Variants in NR2C1 observed in about 807,000 individuals in gnomAD.
NR2C1 encodes nuclear receptor subfamily 2 group C member 1.
NR2C1 carries 33 observed loss-of-function variants against 74.8 expected under a neutral mutation model. That is an observed-to-expected ratio of 0.44 (90% CI 0.33 to 0.59). The LOEUF is 0.59. Among genes scored for constraint, NR2C1 ranks in the 20% least tolerant of loss-of-function variants. NR2C1 has a pLI of 0.02. For synonymous variants in NR2C1, 225 were observed against 240.6 expected (o/e 0.94, Z 0.60); for missense variants, 568 against 715.6 (o/e 0.79, Z 2.35).
chr12:95,054,724 T>G (rs1436486851), intron 7 of NR2C1, among the ~76,000 whole-genome samples: 1 of 152,256 alleles, frequency 6.6e-6, no homozygotes, highest in Non-Finnish European at 1.5e-5. Context: ...TAGTCTCTTC[T>G]ACCTAGCAAC....
chr12:95,063,735 A>C (rs1240942288), intron 2 of NR2C1, among the ~76,000 whole-genome samples: 1 of 151,980 alleles, frequency 6.6e-6, no homozygotes, highest in Non-Finnish European at 1.5e-5. Context: ...CAGACTGCAA[A>C]TGTTCAAGAG....
At chr12:95,063,338 T>TCCTAC (rs1875085193) in intron 2 of NR2C1, among the ~76,000 whole-genome samples, 1 of 152,044 alleles carries the variant, frequency 6.6e-6, no homozygotes, top group South Asian at 2.1e-4. Context: ...GAGGGAGGTG[T>TCCTAC]TTGACACATG....
intron 8 of NR2C1, among the ~76,000 whole-genome samples, chr12:95,050,190 A>C (rs1872789052): frequency 6.6e-6 from 1 of 152,178 alleles, no homozygotes. Flanking sequence ...GTTAGCAAAT[A>C]ATTACTCAAA....
At chr12:95,070,528 T>C (rs1331750638) in intron 1 of NR2C1, among the ~76,000 whole-genome samples, 1 of 152,212 alleles carries the variant, frequency 6.6e-6, no homozygotes, top group African/African-American at 2.4e-5. Flanking sequence ...GCCTTAAAAA[T>C]GTTCATATTG....
chr12:95,070,879 C>T (rs571245341), intron 1 of NR2C1, among the ~76,000 whole-genome samples: 21 of 152,268 alleles, frequency 1.4e-4, no homozygotes, highest in African/African-American at 5.1e-4. Context: ...CTACTTTCTC[C>T]CTCATTTAAA....
chr12:95,064,622 A>G (rs1160241793), intron 2 of NR2C1, among the ~76,000 whole-genome samples: 1 of 152,184 alleles, frequency 6.6e-6, no homozygotes, highest in Admixed American at 6.5e-5. Flanking sequence ...AGCAATTGGG[A>G]GGACAGAACT....
chr12:95,062,363 T>G (rs1175978901), intron 3 of NR2C1, 145 bp downstream of exon 3: 1 of 615,210 alleles, frequency 1.6e-6, no homozygotes, highest in Non-Finnish European at 2.8e-6. Flanking sequence ...GAGAGGGCTG[T>G]CACTGTAGAT....
chr12:95,029,112 C>T (rs777983608), intron 11 of NR2C1, among the ~76,000 whole-genome samples: 4 of 152,170 alleles, frequency 2.6e-5, no homozygotes, highest in African/African-American at 9.7e-5. Context: ...GACAGGGTCT[C>T]GCTCTGTTGC....
chr12:95,039,666 G>A (rs539787200), intron 10 of NR2C1, among the ~76,000 whole-genome samples: 9 of 152,326 alleles, frequency 5.9e-5, no homozygotes, highest in South Asian at 2.1e-4. Context: ...GTCTAGCTCC[G>A]TCCCAGGCCG....
At chr12:95,051,698 A>AT (rs1873027653) in intron 8 of NR2C1, 64 bp downstream of exon 8, 1 of 1,378,042 alleles carries the variant, frequency 7.3e-7, no homozygotes, top group Non-Finnish European at 9.9e-7. Context: ...TAACATAAAA[A>AT]TGTTTTAAGA....
At chr12:95,026,824 T>C (rs1869431308) in intron 12 of NR2C1, 1 of 152,140 alleles carries the variant, frequency 6.6e-6, no homozygotes, top group African/African-American at 2.4e-5. Flanking sequence ...CAGAAATTGA[T>C]CACTGAGAGC....
intron 9 of NR2C1, among the ~76,000 whole-genome samples, chr12:95,048,778 T>C (rs951024066): frequency 1.3e-5 from 2 of 151,820 alleles, no homozygotes; most frequent in Non-Finnish European, 1.5e-5. Context: ...GCATGCACCA[T>C]CACACCTGGC....
At chr12:95,032,788 C>T (rs766258465) in intron 10 of NR2C1, among the ~76,000 whole-genome samples, 12 of 151,938 alleles carry the variant, frequency 7.9e-5, no homozygotes, top group South Asian at 2.1e-4. Flanking sequence ...GGCAACATGG[C>T]GAAACTCTAT....
At chr12:95,048,305 G>T (rs566363347) in intron 9 of NR2C1, among the ~76,000 whole-genome samples, 1 of 152,168 alleles carries the variant, frequency 6.6e-6, no homozygotes, top group Non-Finnish European at 1.5e-5. Context: ...AGTTACTATG[G>T]TAAGAGCAAA....
rs1463459248 is a variant in NR2C1, at chr12:95,058,466, A to C, written c.388T>G (p.Cys130Gly). 1.2e-6 allele frequency: 2 copies of C among 1,613,132 alleles called. No homozygotes were observed. The highest frequency in any genetic ancestry group is 1.7e-5 in the Admixed American group (1 of 59,932). ...TTAAAAAATCCTTTGCAGCCTTCACAAGTTACTGCTCCATAATGACGTCCT... is the reference window on the plus strand; with the variant it reads ...TTAAAAAATCCTTTGCAGCCTTCACCAGTTACTGCTCCATAATGACGTCCT... Reference protein sequence around the residue: ...ASGRHYGAVTCEGCKGFFKRS... With the variant: ...ASGRHYGAVTGEGCKGFFKRS... Residue 130 changes from cysteine to glycine, a missense_variant, in exon 5 of 14, where the codon TGT (cysteine) becomes GGT (glycine). Around this residue, in one of 6 missense-constraint regions of NR2C1, gnomAD observed 44 missense variants for 95.6 expected, o/e 0.46. Transcript: ENST00000333003.
chr12:95,068,170 A>G (rs1876016309), intron 1 of NR2C1, among the ~76,000 whole-genome samples: 1 of 151,026 alleles, frequency 6.6e-6, no homozygotes, highest in African/African-American at 2.4e-5. Context: ...GAGCCACTGC[A>G]CCCGGCCCCA....
Position 95,069,424 on chromosome 12 carries a change from G to T in NR2C1, c.-7-2033C>A, listed in dbSNP as rs529201721. 5.9e-5 allele frequency among the ~76,000 whole-genome samples: 9 copies of T among 152,286 alleles called. No homozygotes were observed. The South Asian group carries it at 1.9e-3, about 32-fold the overall frequency. ...TTTTACTACACCTCTTCCACGTTTA[G>T]ATTTGTTACTTACATAAATACTACT... On this transcript the variant is annotated intron_variant, in intron 1 of 13. Transcript: ENST00000333003.
At chr12:95,044,856 T>G (rs1353409541) in intron 9 of NR2C1, among the ~76,000 whole-genome samples, 1 of 152,150 alleles carries the variant, frequency 6.6e-6, no homozygotes, top group African/African-American at 2.4e-5. Flanking sequence ...CACTCCAGCC[T>G]GGGCTATAGA....
intron 7 of NR2C1, among the ~76,000 whole-genome samples, chr12:95,056,238 C>T (rs954228156): frequency 6.6e-6 from 1 of 152,058 alleles, no homozygotes; most frequent in African/African-American, 2.4e-5. Context: ...CACCGTACCC[C>T]CAGCTTGGGT....
Sources: allele counts gnomAD v4.1 joint callset (sites outside exome capture counted in the v4.1 genomes callset), GRCh38; gene constraint gnomAD v4.1.1; regional missense constraint gnomAD v4.1.1; transcripts MANE v1.5; gene names NCBI Gene and HGNC (gene_info 2026-07-23, HGNC 2026-07-21).